The following CDH4 variants were observed in gnomAD, a reference collection of about 807,000 sequenced individuals.
CDH4 encodes cadherin 4, also known as cadherin-4.
CDH4 carries 33 observed loss-of-function variants against 86.0 expected under a neutral mutation model. The observed-to-expected ratio is 0.38, with a 90% CI of 0.29 to 0.51. The LOEUF is 0.51. CDH4 is among the 20% of genes least tolerant of loss of function. The probability of loss-of-function intolerance (pLI) is 0.86; values close to 1 mark genes in which losing one functional copy is unlikely to be tolerated. For synonymous variants in CDH4, 555 were observed against 549.4 expected, an observed-to-expected ratio of 1.01 and a Z score of -0.14; for missense variants, 1,114 against 1,307.4, an observed-to-expected ratio of 0.85 and a Z score of 2.28.
chr20:61,344,010 G>C (rs1250264560), intron 2 of CDH4, among the ~76,000 whole-genome samples: 1 of 152,142 alleles, frequency 6.6e-6, no homozygotes, highest in Non-Finnish European at 1.5e-5. Context: ...GAATGAAGAG[G>C]GGTGCTCCAG....
intron 2 of CDH4, among the ~76,000 whole-genome samples, chr20:61,656,179 A>G (rs1161681563): frequency 1.3e-5 from 2 of 149,292 alleles, no homozygotes; most frequent in East Asian, 4.0e-4. Flanking sequence ...CAGGGTTTGC[A>G]CTCTTAGTTA....
At chr20:61,554,390 GC>G (rs956091376) in intron 2 of CDH4, among the ~76,000 whole-genome samples, 95 of 152,360 alleles carry the variant, frequency 6.2e-4, no homozygotes, top group African/African-American at 2.2e-3. Context: ...CCACAGGGCT[GC>G]CCTTGAAACA....
intron 4 of CDH4, among the ~76,000 whole-genome samples, chr20:61,775,968 T>C (rs2088837080): frequency 6.6e-6 from 1 of 152,114 alleles, no homozygotes; most frequent in African/African-American, 2.4e-5. Context: ...CCCCAAGCTG[T>C]GTGTGGCCCC....
intron 2 of CDH4, among the ~76,000 whole-genome samples, chr20:61,491,967 A>C (rs1324790163): frequency 6.8e-6 from 1 of 147,156 alleles, no homozygotes; most frequent in Non-Finnish European, 1.5e-5. Flanking sequence ...TGCTGATGTA[A>C]GTGGTGTCAG....
At chr20:61,843,732 G>T (rs78281251) in intron 4 of CDH4, among the ~76,000 whole-genome samples, 4,738 of 152,056 alleles carry the variant, frequency 0.031, 100 homozygotes, top group Middle Eastern at 0.051. Context: ...TGTTTTGGGG[G>T]TATTTTTGGG....
At chr20:61,772,200 C>T (rs7263035) in intron 3 of CDH4, among the ~76,000 whole-genome samples, 2,311 of 152,214 alleles carry the variant, frequency 0.015, 71 homozygotes, top group African/African-American at 0.054. Context: ...GGCACTTTGC[C>T]CCACGTCACA....
intron 2 of CDH4, among the ~76,000 whole-genome samples, chr20:61,625,378 T>G (rs1253676628): frequency 3.9e-5 from 6 of 152,180 alleles, no homozygotes; most frequent in Non-Finnish European, 8.8e-5. Flanking sequence ...ATCTCTGACA[T>G]TTGCTGAACC....
intron 6 of CDH4, among the ~76,000 whole-genome samples, chr20:61,853,505 C>G (rs1383470297): frequency 6.6e-6 from 1 of 152,186 alleles, no homozygotes; most frequent in Non-Finnish European, 1.5e-5. Context: ...AGACTTCACT[C>G]TGGCACCGGT....
At chr20:61,490,016 G>A (rs1350126433) in intron 2 of CDH4, among the ~76,000 whole-genome samples, 1 of 152,168 alleles carries the variant, frequency 6.6e-6, no homozygotes, top group African/African-American at 2.4e-5. Flanking sequence ...TTTGGGGACT[G>A]CTGTTTTAGC....
intron 2 of CDH4, among the ~76,000 whole-genome samples, chr20:61,644,355 G>A (rs1373720139): frequency 6.6e-6 from 1 of 152,198 alleles, no homozygotes; most frequent in Non-Finnish European, 1.5e-5. Context: ...AGATGCACAG[G>A]GCTGCGCAGA....
chr20:61,659,456 C>T (rs1283240069), intron 2 of CDH4, among the ~76,000 whole-genome samples: 1 of 152,218 alleles, frequency 6.6e-6, no homozygotes, highest in African/African-American at 2.4e-5. Context: ...CTCAGTGGGG[C>T]CTGGAGGAAG....
At chr20:61,648,803 C>T (rs564916681) in intron 2 of CDH4, among the ~76,000 whole-genome samples, 25 of 152,284 alleles carry the variant, frequency 1.6e-4, no homozygotes, top group Non-Finnish European at 2.9e-4. Context: ...AGCTTGATAA[C>T]GAAAACCAAG....
intron 5 of CDH4, among the ~76,000 whole-genome samples, chr20:61,846,057 C>G (rs932053542): frequency 3.3e-5 from 5 of 152,224 alleles, no homozygotes; most frequent in Non-Finnish European, 7.3e-5. Context: ...GGGAGAAGAT[C>G]GGTTTTGCTG....
intron 2 of CDH4, among the ~76,000 whole-genome samples, chr20:61,425,631 G>C (rs902687068): frequency 1.3e-5 from 2 of 152,266 alleles, no homozygotes; most frequent in Non-Finnish European, 2.9e-5. Flanking sequence ...GGGCGGCAGC[G>C]CACAGAAACC....
intron 2 of CDH4, among the ~76,000 whole-genome samples, chr20:61,454,120 G>T (rs193119141): frequency 6.6e-6 from 1 of 152,308 alleles, no homozygotes; most frequent in Non-Finnish European, 1.5e-5. Context: ...GGCCATCCTG[G>T]TGACCTGTGT....
intron 2 of CDH4, among the ~76,000 whole-genome samples, chr20:61,389,753 G>A (rs1339141150): frequency 6.6e-6 from 1 of 152,224 alleles, no homozygotes. Context: ...ACATCCTGCT[G>A]TGCAAAGGGC....
chr20:61,735,081 G>T (rs985692976), intron 2 of CDH4, among the ~76,000 whole-genome samples: 2 of 152,124 alleles, frequency 1.3e-5, no homozygotes, highest in Admixed American at 6.5e-5. Context: ...AGAGAGAGGG[G>T]TCGTGGAGGA....
intron 3 of CDH4, among the ~76,000 whole-genome samples, chr20:61,752,531 C>T (rs2088512010): frequency 6.6e-6 from 1 of 151,950 alleles, no homozygotes; most frequent in African/African-American, 2.4e-5. Context: ...TGGTGTATGC[C>T]CATAGCAGTA....
At chr20:61,855,773 C>G (rs563906838) in intron 6 of CDH4, among the ~76,000 whole-genome samples, 2 of 152,376 alleles carry the variant, frequency 1.3e-5, no homozygotes, top group South Asian at 4.1e-4. Flanking sequence ...CAGAGCTGGG[C>G]ACGGCCTGGC....
Sources: gnomAD v4.1 joint callset for allele counts (sites outside exome capture counted in the v4.1 genomes callset) on GRCh38, gnomAD v4.1.1 for gene constraint, MANE v1.5 for transcripts, NCBI Gene and HGNC (gene_info 2026-07-23, HGNC 2026-07-21) for gene names.